SPATA16: variants seen among roughly 807,000 people sequenced by gnomAD.
The protein encoded by SPATA16 is spermatogenesis associated 16, also known as spermatogenesis-associated protein 16.
In SPATA16, 36 loss-of-function variants were observed where a neutral mutation model predicts 63.3. The ratio of observed to expected loss-of-function variants is 0.57; its 90% CI spans 0.44 to 0.75. The LOEUF is 0.75. Ranked by LOEUF, SPATA16 falls within the 30% of genes least tolerant of loss-of-function variation. The pLI is 0.00. For synonymous variants in SPATA16, 203 were observed against 216.7 expected, an observed-to-expected ratio of 0.94 and a Z score of 0.56; for missense variants, 646 against 679.3, an observed-to-expected ratio of 0.95 and a Z score of 0.54.
rs375818003 is a variant in SPATA16, at chr3:173,002,160, G to A, written c.848+17326C>T. Among the ~76,000 whole-genome samples the A allele has an allele frequency of 1.2e-4, 19 of 152,058 alleles. 4 individuals carry two copies. The highest frequency in any genetic ancestry group is 3.3e-4 in the Admixed American group (5 of 15,262). On this transcript the variant is annotated intron_variant, in intron 4 of 10. Coordinates refer to ENST00000351008, the MANE Select transcript of SPATA16 (RefSeq NM_031955.6). Reference sequence around the variant, plus strand: ...AAAATTGTTTCAGCTTTGGCCATTGGGAGTTTTTTATGCTTGGTTCCTGCA... The same window carrying A: ...AAAATTGTTTCAGCTTTGGCCATTGAGAGTTTTTTATGCTTGGTTCCTGCA...
intron 10 of SPATA16, among the ~76,000 whole-genome samples, chr3:172,898,766 G>A (rs751638304): frequency 4.7e-5 from 7 of 149,978 alleles, no homozygotes; most frequent in East Asian, 2.0e-4. Context: ...TGTTTATTTT[G>A]TCCTTCTTTT....
intron 5 of SPATA16, among the ~76,000 whole-genome samples, chr3:172,961,477 C>T (rs1170062450): frequency 1.3e-5 from 2 of 151,020 alleles, no homozygotes; most frequent in Non-Finnish European, 3.0e-5. Context: ...TCACTGCAAC[C>T]TCCCACTCTG....
intron 1 of SPATA16, among the ~76,000 whole-genome samples, chr3:173,118,363 A>T (rs1416291125): frequency 6.6e-6 from 1 of 152,236 alleles, no homozygotes; most frequent in Non-Finnish European, 1.5e-5. Flanking sequence ...CAGAAATGTG[A>T]GCCATAGACT....
At chr3:172,981,005 T>C (rs1000886892) in intron 4 of SPATA16, among the ~76,000 whole-genome samples, 8 of 152,198 alleles carry the variant, frequency 5.3e-5, no homozygotes, top group South Asian at 2.1e-4. Context: ...CCACTAATAG[T>C]TTCCGTATTG....
chr3:172,913,673 A>G lies in SPATA16; in HGVS notation c.1575T>C (p.Asn525=). 6.2e-7 allele frequency: 1 copy of G among 1,613,708 alleles called. No homozygotes were observed. The highest frequency in any genetic ancestry group is 8.5e-7 in the Non-Finnish European group (1 of 1,179,724). The change falls in exon 10 of 11, where the codon AAT becomes AAC. Residue 525 remains asparagine, a synonymous_variant. Coordinates refer to ENST00000351008, the MANE Select transcript of SPATA16 (RefSeq NM_031955.6). The part of the protein sequence containing the change: ...GRRNNNERVW[N]MIQKVGQIED... Reference sequence around the variant, plus strand: ...CTCAAAGTTTTACCTTTTGGATCATATTCCACACACGTTCATTATTGTTTC... The same window carrying G: ...CTCAAAGTTTTACCTTTTGGATCATGTTCCACACACGTTCATTATTGTTTC...
chr3:172,951,923 G>A (rs920490210), intron 6 of SPATA16, among the ~76,000 whole-genome samples: 1 of 152,210 alleles, frequency 6.6e-6, no homozygotes, highest in Non-Finnish European at 1.5e-5. Context: ...GGTACAGATT[G>A]TACGACCTTC....
At chr3:173,122,342 T>G (rs1202467835) in intron 1 of SPATA16, among the ~76,000 whole-genome samples, 2 of 152,232 alleles carry the variant, frequency 1.3e-5, no homozygotes, top group African/African-American at 4.8e-5. Context: ...GAGTTTCTAT[T>G]GCTTCATAGA....
At chr3:173,037,466 C>G (rs1735739631) in intron 3 of SPATA16, among the ~76,000 whole-genome samples, 1 of 152,034 alleles carries the variant, frequency 6.6e-6, no homozygotes, top group African/African-American at 2.4e-5. Context: ...GTTAAGCACT[C>G]AAAAATCAAA....
At chr3:173,098,398 G>A (rs1452976774) in intron 2 of SPATA16, among the ~76,000 whole-genome samples, 1 of 152,148 alleles carries the variant, frequency 6.6e-6, no homozygotes, top group African/African-American at 2.4e-5. Context: ...ACAATGTCAT[G>A]CTGTAAATCA....
At chr3:172,926,819 G>A (rs1350282783) in intron 6 of SPATA16, among the ~76,000 whole-genome samples, 1 of 152,146 alleles carries the variant, frequency 6.6e-6, no homozygotes, top group Non-Finnish European at 1.5e-5. Context: ...TTTCCATTTT[G>A]AGTAACAAGG....
At chr3:172,904,099 C>A (rs1732184668) in intron 10 of SPATA16, among the ~76,000 whole-genome samples, 2 of 152,166 alleles carry the variant, frequency 1.3e-5, no homozygotes, top group South Asian at 4.1e-4. Flanking sequence ...TTCTACACAG[C>A]TATTTTCCCT....
intron 2 of SPATA16, among the ~76,000 whole-genome samples, chr3:173,112,148 T>C (rs1045872024): frequency 3.3e-5 from 5 of 152,198 alleles, no homozygotes; most frequent in African/African-American, 9.6e-5. Flanking sequence ...CTTAAAACAT[T>C]TTTTTATGGA....
At chr3:172,988,793 C>T (rs867570586) in intron 4 of SPATA16, among the ~76,000 whole-genome samples, 23 of 152,168 alleles carry the variant, frequency 1.5e-4, no homozygotes, top group Middle Eastern at 6.8e-3. Flanking sequence ...CCCACCATCA[C>T]GTCCAGCTAA....
intron 5 of SPATA16, among the ~76,000 whole-genome samples, chr3:172,961,069 T>TCTCCCTTC (rs1733765056): frequency 4.1e-5 from 3 of 72,384 alleles, no homozygotes; most frequent in East Asian, 7.5e-4. Context: ...CTTTCTTCTT[T>TCTCCCTTC]CTTCCTTCCT....
intron 6 of SPATA16, among the ~76,000 whole-genome samples, chr3:172,939,836 G>A (rs1466366340): frequency 6.6e-6 from 1 of 152,108 alleles, no homozygotes; most frequent in Non-Finnish European, 1.5e-5. Context: ...TTCAGGATGA[G>A]GGCAATTTGC....
chr3:172,949,571 T>C (rs1228294869), intron 6 of SPATA16, among the ~76,000 whole-genome samples: 1 of 152,186 alleles, frequency 6.6e-6, no homozygotes, highest in Non-Finnish European at 1.5e-5. Flanking sequence ...CACCTAATGA[T>C]TAACTATATT....
chr3:173,068,091 A>T (rs967879752), intron 2 of SPATA16, among the ~76,000 whole-genome samples: 3 of 152,226 alleles, frequency 2.0e-5, no homozygotes, highest in African/African-American at 7.2e-5. Context: ...AGAAGTGCTA[A>T]AGAAAGTTCT....
At chr3:172,982,507 C>A (rs1326272455) in intron 4 of SPATA16, among the ~76,000 whole-genome samples, 1 of 152,150 alleles carries the variant, frequency 6.6e-6, no homozygotes, top group Non-Finnish European at 1.5e-5. Flanking sequence ...AGGAAATGTT[C>A]ACATTTTGTT....
chr3:172,964,937 C>G (rs1475731978), intron 5 of SPATA16, among the ~76,000 whole-genome samples: 1 of 152,162 alleles, frequency 6.6e-6, no homozygotes, highest in African/African-American at 2.4e-5. Context: ...GACGTTTCAT[C>G]TGGAGACAAG....
Sources: allele counts gnomAD v4.1 joint callset (sites outside exome capture counted in the v4.1 genomes callset), GRCh38; gene constraint gnomAD v4.1.1; transcripts MANE v1.5; gene names NCBI Gene and HGNC (gene_info 2026-07-23, HGNC 2026-07-21).